The following IRF9 variants were observed in gnomAD, a reference collection of about 807,000 sequenced individuals.
IRF9 encodes the protein IFN-alpha-responsive transcription factor subunit.
Under a neutral mutation model 44.1 loss-of-function variants are expected in IRF9, and 13 were observed. That is an observed-to-expected ratio of 0.29 (90% CI 0.19 to 0.47). The LOEUF is 0.47. Among genes scored for constraint, IRF9 ranks in the 20% least tolerant of loss-of-function variants. IRF9 has a pLI of 1.00. For missense variants in IRF9, 373 were observed against 496.1 expected (o/e 0.75, Z 2.36); for synonymous variants, 189 against 188.5 (o/e 1.00, Z -0.02).
chr14:24,162,596 TC>T (rs1454378671), intron 2 of IRF9: 2 of 442,638 alleles, frequency 4.5e-6, no homozygotes, highest in East Asian at 9.1e-5. Context: ...GGTCAAGAGA[TC>T]AAGACCAGCC....
At chr14:24,165,012 T>C in intron 7 of IRF9, 57 bp downstream of exon 7, 2 of 1,537,552 alleles carry the variant, frequency 1.3e-6, no homozygotes, top group Non-Finnish European at 1.8e-6. Context: ...TAGTACCCCC[T>C]GGGCCCAACT....
rs1292312991 is a variant in IRF9 at position 24,164,787 on chromosome 14, C to G, written c.823C>G (p.Leu275Val). ...LEPTQRLLSQ[L>V]ERGILVASNP... is the part of the protein sequence containing the mutation. ...GCCCACGCAGCGCCTGCTGAGCCAG[C>G]TTGAGAGGGGCATCCTAGTGGCCAG... Residue 275 changes from leucine (L) to valine (V), a missense_variant, in exon 7 of 9, where the codon CTT (leucine) becomes GTT (valine). By Grantham distance (32) the Leu-to-Val change is conservative. This residue lies in a region of IRF9 where 146 missense variants were observed against 240.8 expected (regional missense o/e 0.61). Coordinates refer to ENST00000396864, the MANE Select transcript of IRF9 (RefSeq NM_006084.5). This position sits in a 1 kb window ranked among gnomAD's most constrained non-coding sequence, Gnocchi z 5.2. The G allele has an allele frequency of 1.2e-6, 2 of 1,610,608 alleles. No homozygotes were observed. Among genetic ancestry groups the G allele is most frequent in the Non-Finnish European group, 1.7e-6 (2 of 1,179,940 alleles).
At chr14:24,166,039 C>G (rs1276889691) in intron 8 of IRF9, 77 bp downstream of exon 8, 3 of 1,578,828 alleles carry the variant, frequency 1.9e-6, no homozygotes, top group Non-Finnish European at 2.6e-6. Flanking sequence ...AAGGGGGTCT[C>G]CCAGTGGGGA....
chr14:24,163,739 G>T (rs563764367), intron 4 of IRF9, 139 bp from the exon 5 acceptor site: 2 of 962,758 alleles, frequency 2.1e-6, no homozygotes, highest in South Asian at 1.7e-5. Flanking sequence ...TCAGGAGGCC[G>T]AGGCAGGAGA....
At position 24,164,465 on chromosome 14, in the gene IRF9, C is replaced by T; in HGVS notation, c.650-149C>T. 4.0e-6 allele frequency: 3 copies of T among 751,618 alleles called. No individual in the cohort carries two copies. In the South Asian group the frequency reaches 5.2e-5, roughly 13 times the overall value. 46.6% of individuals were successfully genotyped at this position (751,618 alleles called of 1,614,324 possible). A position where few individuals can be genotyped will look rare whatever the true frequency, so the allele number is the denominator to read the frequency against. The stretch of plus-strand genomic sequence containing the variant: ...AGCCCTGAGGCCTCATGGTGAATCA[C>T]ATACTAGCTACTTGCCTCAGTGATA... On this transcript the variant is annotated intron_variant, in intron 6 of 8. Transcript: ENST00000396864. The surrounding 1 kb of genome is among the most constrained non-coding windows in gnomAD (Gnocchi z 5.2).
chr14:24,166,059 T>C (rs551056699), intron 8 of IRF9, 63 bp from the exon 9 acceptor site: 1 of 1,586,632 alleles, frequency 6.3e-7, no homozygotes, highest in South Asian at 1.1e-5. Flanking sequence ...AAGGAGCTCC[T>C]GGGGGTGGTG....
intron 2 of IRF9, 89 bp downstream of exon 2, chr14:24,162,413 G>C: frequency 7.6e-7 from 1 of 1,308,678 alleles, no homozygotes. Context: ...GCGTCTGCCT[G>C]GGTTTCAGAT....
At chr14:24,161,585 C>T (rs1040573618) in intron 1 of IRF9, among the ~76,000 whole-genome samples, 2 of 152,218 alleles carry the variant, frequency 1.3e-5, no homozygotes, top group Non-Finnish European at 2.9e-5. Flanking sequence ...CTGGCCCCAG[C>T]CTCAGTGGAC....
chr14:24,161,416 A>AG (rs2082194350), intron 1 of IRF9, 78 bp downstream of exon 1: 1 of 152,338 alleles, frequency 6.6e-6, no homozygotes, highest in Non-Finnish European at 1.5e-5. Flanking sequence ...AGGGGGTCCT[A>AG]GGGGTCGCTC....
At chr14:24,165,797 G>A (rs1348667389) in intron 7 of IRF9, 50 bp from the exon 8 acceptor site, 2 of 1,321,966 alleles carry the variant, frequency 1.5e-6, no homozygotes, top group Non-Finnish European at 2.2e-6. Flanking sequence ...CCTGCCTGTG[G>A]CCCTCTCTCT....
intron 8 of IRF9, 67 bp downstream of exon 8, chr14:24,166,029 A>G (rs1482435442): frequency 6.3e-7 from 1 of 1,578,042 alleles, no homozygotes; most frequent in Admixed American, 1.7e-5. Context: ...CCAGGAGGCA[A>G]AGGGGGTCTC....
chr14:24,164,473 C>A lies in IRF9; in HGVS notation c.650-141C>A. ...GGCCTCATGGTGAATCACATACTAG[C>A]TACTTGCCTCAGTGATAGGAAAACC... is the stretch of plus-strand genomic sequence containing the variant. On this transcript the variant is annotated intron_variant, in intron 6 of 8. Coordinates refer to ENST00000396864, the MANE Select transcript of IRF9 (RefSeq NM_006084.5). The surrounding 1 kb of genome is among the most constrained non-coding windows in gnomAD (Gnocchi z 5.2). The A allele has an allele frequency of 1.3e-6, 1 of 784,716 alleles. No individual in the cohort carries two copies. The highest frequency in any genetic ancestry group is 2.1e-6 in the Non-Finnish European group (1 of 481,548). The allele number at this position is 784,716 out of a possible 1,614,324, so 48.6% of individuals were successfully genotyped here. A position where few individuals can be genotyped will look rare whatever the true frequency, so the allele number is the denominator to read the frequency against.
chr14:24,165,336 TCA>T, intron 7 of IRF9: 1 of 643,346 alleles, frequency 1.6e-6, no homozygotes, highest in Non-Finnish European at 2.8e-6. Context: ...CTGGCACACA[TCA>T]CACACACTGG....
At chr14:24,163,257 G>T in intron 3 of IRF9, 108 bp downstream of exon 3, 7 of 1,543,184 alleles carry the variant, frequency 4.5e-6, no homozygotes, top group Non-Finnish European at 5.3e-6. Context: ...ATGCCCTTGG[G>T]GGGCTGCAAC....
intron 3 of IRF9, 48 bp downstream of exon 3, chr14:24,163,197 G>A: frequency 6.3e-7 from 1 of 1,599,714 alleles, no homozygotes; most frequent in Non-Finnish European, 8.5e-7. Flanking sequence ...AGACTGGGGA[G>A]GAAGGATAGA....
Position 24,165,128 on chromosome 14 carries a change from C to G in IRF9, c.991+173C>G, listed in dbSNP as rs1448638185. On this transcript the variant is annotated intron_variant, in intron 7 of 8. Coordinates refer to ENST00000396864, the MANE Select transcript of IRF9 (RefSeq NM_006084.5). ...ATATCCTGTGTGGCCATATGCCCAG[C>G]CTGGCAGCTACCTGGCAGCTCTCCT... The G allele has an allele frequency of 6.8e-6, 5 of 735,508 alleles. No homozygotes were observed. The African/African-American group carries it at 8.7e-5, about 13-fold the overall frequency. 45.6% of individuals were successfully genotyped at this position (735,508 alleles called of 1,614,324 possible).
intron 7 of IRF9, chr14:24,165,345 C>T (rs1047753785): frequency 3.1e-6 from 2 of 636,444 alleles, no homozygotes; most frequent in South Asian, 3.5e-5. Flanking sequence ...ATCACACACA[C>T]TGGCCCTGGC....
At chr14:24,165,991 A>G (rs1448835777) in intron 8 of IRF9, 29 bp downstream of exon 8, 2 of 1,596,940 alleles carry the variant, frequency 1.3e-6, no homozygotes, top group African/African-American at 2.7e-5. Flanking sequence ...TAGAGTACCC[A>G]TCTAATGAGA....
In IRF9 at chr14:24,163,052, C is replaced by A; in HGVS notation, c.267C>A (p.Asn89Lys). The change falls in exon 3 of 9, where the codon AAC becomes AAA. Residue 89 changes from asparagine to lysine, a missense_variant. Asn to Lys is a moderately conservative substitution (Grantham distance 94, BLOSUM62 0). Around this residue, in one of 2 missense-constraint regions of IRF9, gnomAD observed 227 missense variants for 255.3 expected, o/e 0.89. Transcript: ENST00000396864. ...VWKTRLRCAL[N>K]KSSEFKEVPE... ...AGACTCGCCTGCGCTGTGCACTCAA[C>A]AAGAGTTCTGAATTTAAGGAGGTTC... 1 of 1,614,168 alleles carries A rather than the reference C, an allele frequency of 6.2e-7. No homozygotes were observed. Among genetic ancestry groups the A allele is most frequent in the Non-Finnish European group, 8.5e-7 (1 of 1,180,032 alleles).
Sources: gnomAD v4.1 joint callset for allele counts (sites outside exome capture counted in the v4.1 genomes callset) on GRCh38, gnomAD v4.1.1 for gene constraint, gnomAD v4.1.1 regional missense constraint, Gnocchi (gnomAD v3.1) non-coding constraint, MANE v1.5 for transcripts, NCBI Gene and HGNC (gene_info 2026-07-23, HGNC 2026-07-21) for gene names.